The following ENTPD7 variants were observed in gnomAD, a reference collection of about 807,000 sequenced individuals.
ENTPD7 encodes ectonucleoside triphosphate diphosphohydrolase 7.
ENTPD7 carries 53 observed loss-of-function variants against 77.9 expected under a neutral mutation model. The observed-to-expected ratio is 0.68, with a 90% confidence interval of 0.55 to 0.85. The LOEUF (loss-of-function observed/expected upper bound fraction) is 0.85, where lower values mean the gene tolerates loss of function less well. ENTPD7 is among the 40% of genes least tolerant of loss of function. ENTPD7 has a pLI of 0.00. For synonymous variants in ENTPD7, 248 were observed against 274.9 expected (o/e 0.90, Z 0.97); for missense variants, 636 against 743.7 (o/e 0.86, Z 1.68).
rs138423739 is a variant in ENTPD7, at chr10:99,709,196, G to C, written c.*4513G>C. 1.0e-6 allele frequency: 1 copy of C among 985,230 alleles called. No homozygotes were observed. Among genetic ancestry groups the C allele is most frequent in the Non-Finnish European group, 1.2e-6 (1 of 829,898 alleles). 61.0% of individuals were successfully genotyped at this position (985,230 alleles called of 1,614,324 possible). On this transcript the variant is annotated 3_prime_UTR_variant, in exon 13 of 13. Transcript: ENST00000370489. ...TGCCTATTACATCTACCTCATTAAA[G>C]AACTTCGTTGTAATTCTTGGGCAGT...
Position 99,708,901 on chromosome 10 carries a change from T to C in ENTPD7, c.*4218T>C. ...AAGTATAAACAGAATCTATTTTTTA[T>C]AAAACAGCTGGCCACAACTAACCAT... On this transcript the variant is annotated 3_prime_UTR_variant, in exon 13 of 13. Coordinates refer to ENST00000370489, the MANE Select transcript of ENTPD7 (RefSeq NM_020354.5). 1 of 985,412 alleles carries C rather than the reference T, an allele frequency of 1.0e-6. No homozygotes were observed. The highest frequency in any genetic ancestry group is 4.7e-5 in the South Asian group (1 of 21,284). The allele number at this position is 985,412 out of a possible 1,614,324, so 61.0% of individuals were successfully genotyped here.
At chr10:99,700,429 TGTGTGTGTGTGTGTGTTTA>T (rs2036094958) in intron 10 of ENTPD7, among the ~76,000 whole-genome samples, 1 of 150,386 alleles carries the variant, frequency 6.6e-6, no homozygotes, top group African/African-American at 2.5e-5. Context: ...TGTGTGTGTG[TGTGTGTGTGTGTGTGTTTA>T]TTGTCTGTCT....
intron 3 of ENTPD7, among the ~76,000 whole-genome samples, chr10:99,673,819 C>T (rs914923742): frequency 2.0e-5 from 3 of 152,196 alleles, no homozygotes; most frequent in Admixed American, 2.0e-4. Flanking sequence ...AGACCAACAG[C>T]TCCATTTTGT....
chr10:99,711,211 G>T lies in ENTPD7; in HGVS notation c.*6528G>T. 2 of 985,248 alleles carry T rather than the reference G, an allele frequency of 2.0e-6. No homozygotes were observed. The highest frequency in any genetic ancestry group is 2.4e-6 in the Non-Finnish European group (2 of 829,848). The allele number at this position is 985,248 out of a possible 1,614,324, so 61.0% of individuals were successfully genotyped here. A position where few individuals can be genotyped will look rare whatever the true frequency, so the allele number is the denominator to read the frequency against. On this transcript the variant is annotated 3_prime_UTR_variant, in exon 13 of 13. Transcript: ENST00000370489. ...AATGTACTCATCATCTGTAATAAAA[G>T]AAAAATGAAGTAAAACATCTGAAAC...
At position 99,698,740 on chromosome 10, in the gene ENTPD7, C is replaced by T. The variant is rs368809171; in HGVS notation, c.1217C>T (p.Ser406Leu). The T allele has an allele frequency of 8.1e-6, 13 of 1,614,100 alleles. No homozygotes were observed. In the East Asian group the frequency reaches 1.1e-4, roughly 14 times the overall value. ...GCCTCACTCAATGGCATATATCAAT[C>T]GCCTATTGACTTCAACAACAGCGAG... ...SQASLNGIYQ[S>L]PIDFNNSEFY... The change falls in exon 10 of 13, where the codon TCG (serine) becomes TTG (leucine). Residue 406 changes from serine to leucine, a missense_variant. Coordinates refer to ENST00000370489, the MANE Select transcript of ENTPD7 (RefSeq NM_020354.5).
At chr10:99,678,381 T>C (rs971223629) in intron 3 of ENTPD7, among the ~76,000 whole-genome samples, 1 of 151,312 alleles carries the variant, frequency 6.6e-6, no homozygotes, top group African/African-American at 2.4e-5. Context: ...GGCAGGAGAA[T>C]GGCATGAACC....
Position 99,710,285 on chromosome 10 carries a change from C to T in ENTPD7, c.*5602C>T. 3.0e-6 allele frequency: 3 copies of T among 985,406 alleles called. No homozygotes were observed. Among genetic ancestry groups the T allele is most frequent in the Non-Finnish European group, 3.6e-6 (3 of 829,928 alleles). The allele number at this position is 985,406 out of a possible 1,614,324, so 61.0% of individuals were successfully genotyped here. A position where few individuals can be genotyped will look rare whatever the true frequency, so the allele number is the denominator to read the frequency against. On this transcript the variant is annotated 3_prime_UTR_variant, in exon 13 of 13. Transcript: ENST00000370489. Reference sequence around the variant, plus strand: ...TGCAAGCAGGGATCCCAGACACATACTTTGGTTTCTAGTGTTTCAGTTACT... The same window carrying T: ...TGCAAGCAGGGATCCCAGACACATATTTTGGTTTCTAGTGTTTCAGTTACT...
chr10:99,705,014 G>A lies in ENTPD7; in HGVS notation c.*331G>A. ...TTTTCTTCCCTTGCTAAAGCATGAAGTTTGGCATTTGGCACACTGGAAGCC... is the reference window on the plus strand; with the variant it reads ...TTTTCTTCCCTTGCTAAAGCATGAAATTTGGCATTTGGCACACTGGAAGCC... On this transcript the variant is annotated 3_prime_UTR_variant, in exon 13 of 13. Coordinates refer to ENST00000370489, the MANE Select transcript of ENTPD7 (RefSeq NM_020354.5). 3.4e-6 allele frequency: 1 copy of A among 291,258 alleles called. No individual in the cohort carries two copies. Among genetic ancestry groups the A allele is most frequent in the Non-Finnish European group, 6.6e-6 (1 of 152,022 alleles). 18.0% of individuals were successfully genotyped at this position (291,258 alleles called of 1,614,324 possible).
chr10:99,659,998 A>G lies in ENTPD7; in HGVS notation c.8+34A>G, dbSNP rs766830910. ...GCACACTTTCCCTCCGGCTGGGAGC[A>G]CGGCAGAGGATGGCAGGCAGGTTGG... On this transcript the variant is annotated intron_variant, in intron 2 of 12. Transcript: ENST00000370489. This position sits in a 1 kb window ranked among gnomAD's most constrained non-coding sequence, Gnocchi z 4.1. 4 of 1,613,754 alleles carry G rather than the reference A, an allele frequency of 2.5e-6. No homozygotes were observed. In the East Asian group the frequency reaches 6.7e-5, roughly 27 times the overall value.
chr10:99,678,764 A>G (rs951990992), intron 3 of ENTPD7, among the ~76,000 whole-genome samples: 156 of 103,594 alleles, frequency 1.5e-3, no homozygotes, highest in African/African-American at 5.3e-3. Flanking sequence ...GTGACAGAAT[A>G]AGACTCCGTC....
At chr10:99,671,982 A>G (rs528937340) in intron 3 of ENTPD7, among the ~76,000 whole-genome samples, 204 of 152,340 alleles carry the variant, frequency 1.3e-3, no homozygotes, top group African/African-American at 4.7e-3. Flanking sequence ...TACAGATGAA[A>G]TGATTAGGTT....
At chr10:99,678,901 C>T (rs1002097374) in intron 3 of ENTPD7, among the ~76,000 whole-genome samples, 2 of 148,230 alleles carry the variant, frequency 1.3e-5, no homozygotes, top group Non-Finnish European at 3.0e-5. Context: ...ATCTAGTGTG[C>T]GTTAACAAGC....
At chr10:99,699,007 G>A (rs2133505039) in intron 10 of ENTPD7, 149 bp downstream of exon 10, 1 of 710,062 alleles carries the variant, frequency 1.4e-6, no homozygotes, top group South Asian at 2.0e-5. Flanking sequence ...TTACAGATGA[G>A]GAAGTGGACA....
At chr10:99,680,479 C>T (rs1041138073) in intron 5 of ENTPD7, among the ~76,000 whole-genome samples, 1 of 151,876 alleles carries the variant, frequency 6.6e-6, no homozygotes, top group Non-Finnish European at 1.5e-5. Context: ...CACCTTGATC[C>T]GTCCATACTT....
At chr10:99,701,100 CTAGATGG>C in intron 11 of ENTPD7, 42 bp downstream of exon 11, 5 of 1,465,408 alleles carry the variant, frequency 3.4e-6, no homozygotes, top group Non-Finnish European at 4.8e-6. Flanking sequence ...GACTTAAAAT[CTAGATGG>C]CAGATTATAA....
intron 6 of ENTPD7, among the ~76,000 whole-genome samples, chr10:99,687,555 G>A (rs1474427589): frequency 2.0e-5 from 3 of 152,034 alleles, no homozygotes; most frequent in Admixed American, 6.5e-5. Context: ...GTGAGCCACC[G>A]TGCCCAGCCT....
intron 3 of ENTPD7, among the ~76,000 whole-genome samples, chr10:99,677,359 CT>C (rs560338561): frequency 0.064 from 6,028 of 93,762 alleles, 56 homozygotes; most frequent in Admixed American, 0.11. Context: ...GGGCAGATAG[CT>C]TTTTTTTTTT....
chr10:99,682,187 T>C (rs1032777121), intron 5 of ENTPD7, among the ~76,000 whole-genome samples: 3 of 137,420 alleles, frequency 2.2e-5, no homozygotes, highest in Non-Finnish European at 4.6e-5. Context: ...TATTTTCCTT[T>C]GGTCAACAGC....
intron 3 of ENTPD7, 114 bp downstream of exon 3, chr10:99,661,742 A>G (rs2133433987): frequency 1.1e-6 from 1 of 914,106 alleles, no homozygotes; most frequent in East Asian, 3.0e-5. Context: ...GTAAAATTGC[A>G]TGCCATTTAT....
Sources: allele counts gnomAD v4.1 joint callset (sites outside exome capture counted in the v4.1 genomes callset), GRCh38; gene constraint gnomAD v4.1.1; non-coding constraint Gnocchi (gnomAD v3.1); transcripts MANE v1.5; gene names NCBI Gene and HGNC (gene_info 2026-07-23, HGNC 2026-07-21).